SPIRE2: variants seen among roughly 807,000 people sequenced by gnomAD.
SPIRE2 encodes protein spire homolog 2.
In SPIRE2, 76 loss-of-function variants were observed where a neutral mutation model predicts 80.7. That is an observed-to-expected ratio of 0.94 (90% CI 0.78 to 1.14). The LOEUF (loss-of-function observed/expected upper bound fraction) is 1.14, where lower values mean the gene tolerates loss of function less well. SPIRE2 is among the 50% of genes most tolerant of loss of function. The pLI is 0.00. For missense variants in SPIRE2, 1,196 were observed against 1,015.3 expected (o/e 1.18, Z -2.42); for synonymous variants, 535 against 432.6 (o/e 1.24, Z -2.94).
intron 3 of SPIRE2, among the ~76,000 whole-genome samples, chr16:89,853,106 C>T (rs1199897657): frequency 6.6e-6 from 1 of 152,216 alleles, no homozygotes; most frequent in East Asian, 1.9e-4. Flanking sequence ...GCAGACGGTC[C>T]TCCTGCTGTT....
chr16:89,858,286 C>T (rs1246535614), intron 7 of SPIRE2, 52 bp from the exon 8 acceptor site: 4 of 1,498,716 alleles, frequency 2.7e-6, no homozygotes, highest in Non-Finnish European at 3.6e-6. Context: ...CAGCTCCTGC[C>T]TGCTGTCTCC....
At chr16:89,840,374 C>T (rs1290504530) in intron 1 of SPIRE2, among the ~76,000 whole-genome samples, 2 of 151,314 alleles carry the variant, frequency 1.3e-5, no homozygotes, top group Non-Finnish European at 2.9e-5. Context: ...CTCAGCCTCC[C>T]GAATAACTGG....
intron 2 of SPIRE2, chr16:89,850,006 T>G: frequency 4.4e-6 from 2 of 457,656 alleles, no homozygotes; most frequent in Non-Finnish European, 8.2e-6. Flanking sequence ...CCCAGCTAAT[T>G]TTTGTATTTT....
At chr16:89,868,742 C>T (rs1392351182) in intron 13 of SPIRE2, among the ~76,000 whole-genome samples, 1 of 152,012 alleles carries the variant, frequency 6.6e-6, no homozygotes, top group African/African-American at 2.4e-5. Context: ...GTAATCCTAG[C>T]TACTCAGGAG....
intron 1 of SPIRE2, among the ~76,000 whole-genome samples, chr16:89,829,395 G>A (rs1421203209): frequency 6.6e-6 from 1 of 152,234 alleles, no homozygotes; most frequent in Non-Finnish European, 1.5e-5. Flanking sequence ...TAGTGAGAAT[G>A]GTGAGCTTAA....
intron 10 of SPIRE2, chr16:89,861,906 G>A (rs2041747832): frequency 6.6e-6 from 1 of 152,194 alleles, no homozygotes; most frequent in Admixed American, 6.5e-5. Context: ...GAGTATTTAT[G>A]ACCAAGTCCA....
chr16:89,856,648 C>T (rs1161774962), intron 7 of SPIRE2, among the ~76,000 whole-genome samples: 2 of 138,816 alleles, frequency 1.4e-5, no homozygotes, highest in African/African-American at 2.7e-5. Context: ...TTAGTAGAGA[C>T]GGGGTTTCAC....
At chr16:89,860,619 G>A (rs1002942131) in intron 9 of SPIRE2, 64 bp from the exon 10 acceptor site, 9 of 1,142,668 alleles carry the variant, frequency 7.9e-6, no homozygotes, top group Non-Finnish European at 1.2e-5. Flanking sequence ...TCATCCCCTG[G>A]GCACAGTCCT....
Position 89,870,254 on chromosome 16 carries a change from G to A in SPIRE2, c.2127G>A (p.Arg709=). 6.3e-7 allele frequency: 1 copy of A among 1,596,870 alleles called. No individual in the cohort carries two copies. The highest frequency in any genetic ancestry group is 8.5e-7 in the Non-Finnish European group (1 of 1,171,794). Residue 709 remains arginine, a synonymous_variant, in exon 15 of 15, where the codon AGG becomes AGA. Transcript: ENST00000378247. ...QTQSLYIPNT[R]TLDFK is the part of the protein sequence containing the mutation. Reference sequence around the variant, plus strand: ...AATCCCTCTACATCCCTAACACCAGGACTCTTGACTTCAAGTGACAGCCCC... The same window carrying A: ...AATCCCTCTACATCCCTAACACCAGAACTCTTGACTTCAAGTGACAGCCCC...
At position 89,856,199 on chromosome 16, in the gene SPIRE2, G is replaced by T. The variant is rs746068875; in HGVS notation, c.1065G>T (p.Arg355Ser). 1 of 1,599,886 alleles carries T rather than the reference G, an allele frequency of 6.3e-7. No homozygotes were observed. The highest frequency in any genetic ancestry group is 1.1e-5 in the South Asian group (1 of 89,174). Reference sequence around the variant, plus strand: ...TGGAGGAGATCAAGCAGGAGCGGAGGCTGCGCCCGGTGCGGGGCGAGGGCT... The same window carrying T: ...TGGAGGAGATCAAGCAGGAGCGGAGTCTGCGCCCGGTGCGGGGCGAGGGCT... Reference protein sequence around the residue: ...KILEEIKQERRLRPVRGEGWA... With the variant: ...KILEEIKQERSLRPVRGEGWA... The change falls in exon 7 of 15, where the codon AGG becomes AGT. Residue 355 changes from arginine (R) to serine (S), a missense_variant. Arg to Ser is a moderately radical substitution (Grantham distance 110). Transcript: ENST00000378247.
Position 89,829,649 on chromosome 16 carries a change from GGTGGGGGC to G in SPIRE2, c.244+856_244+863del, listed in dbSNP as rs2041360080. ...AGAAGCAAGCTACAGAGCCACGAGG[GGTGGGGGC>G]CGTTGTGCCCCACCCAAGGGCCCTT... On this transcript the variant is annotated intron_variant, in intron 1 of 14. Coordinates refer to ENST00000378247, the MANE Select transcript of SPIRE2 (RefSeq NM_032451.2). Among the ~76,000 whole-genome samples, 10 of 151,788 alleles carry G rather than the reference GGTGGGGGC, an allele frequency of 6.6e-5. 1 individual carries two copies. Among genetic ancestry groups the G allele is most frequent in the Non-Finnish European group, 1.2e-4 (8 of 67,606 alleles).
At position 89,863,181 on chromosome 16, in the gene SPIRE2, A is replaced by G. The variant is rs1393056023; in HGVS notation, c.1576-295A>G. On this transcript the variant is annotated intron_variant, in intron 10 of 14. Coordinates refer to ENST00000378247, the MANE Select transcript of SPIRE2 (RefSeq NM_032451.2). The surrounding 1 kb of genome is among the most constrained non-coding windows in gnomAD (Gnocchi z 4.3). ...GTGGATCAGCCCATGGTGTGTTTGC[A>G]GGCAGGGACACCTTGAACAGACATG... 2 of 442,650 alleles carry G rather than the reference A, an allele frequency of 4.5e-6. No homozygotes were observed. Among genetic ancestry groups the G allele is most frequent in the African/African-American group, 2.0e-5 (1 of 50,058 alleles). The allele number at this position is 442,650 out of a possible 1,614,324, so 27.4% of individuals were successfully genotyped here. A position where few individuals can be genotyped will look rare whatever the true frequency, so the allele number is the denominator to read the frequency against.
At chr16:89,855,495 T>A in intron 5 of SPIRE2, 105 bp from the exon 6 acceptor site, 1 of 909,390 alleles carries the variant, frequency 1.1e-6, no homozygotes, top group Non-Finnish European at 1.7e-6. Flanking sequence ...GGAGGGCGGG[T>A]AGGTGCGAAG....
At chr16:89,834,948 TC>T (rs2041430784) in intron 1 of SPIRE2, among the ~76,000 whole-genome samples, 1 of 148,090 alleles carries the variant, frequency 6.8e-6, no homozygotes, top group Admixed American at 6.7e-5. Context: ...CTGCCCGCAC[TC>T]GCGGCTGGCC....
chr16:89,863,666 C>T lies in SPIRE2; in HGVS notation c.1710+56C>T, dbSNP rs1597224065. 2 of 1,613,244 alleles carry T rather than the reference C, an allele frequency of 1.2e-6. No individual in the cohort carries two copies. Among genetic ancestry groups the T allele is most frequent in the Non-Finnish European group, 1.7e-6 (2 of 1,179,562 alleles). ...TTGCCCGCTGGGTCAGGGGCGGGTG[C>T]CGAGAGGGCCAGTTCCCAGGACTGT... On this transcript the variant is annotated intron_variant, in intron 11 of 14. Coordinates refer to ENST00000378247, the MANE Select transcript of SPIRE2 (RefSeq NM_032451.2). The surrounding 1 kb of genome is among the most constrained non-coding windows in gnomAD (Gnocchi z 4.3).
rs529281364 is a variant in SPIRE2 at position 89,847,470 on chromosome 16, TC to T, written c.288+2107del. 2.0e-5 allele frequency among the ~76,000 whole-genome samples: 3 copies of T among 152,308 alleles called. No homozygotes were observed. In the South Asian group the frequency reaches 6.2e-4, roughly 32 times the overall value. On this transcript the variant is annotated intron_variant, in intron 2 of 14. Transcript: ENST00000378247. ...CTGCTGCCTACCGCCTGGAAGACCTTCCAAAGGGGGCCTGCCGTGGTACATC... is the reference window on the plus strand; with the variant it reads ...CTGCTGCCTACCGCCTGGAAGACCTTCAAAGGGGGCCTGCCGTGGTACATC...
In SPIRE2 at chr16:89,863,273, A is replaced by G. The variant is rs922982782; in HGVS notation, c.1576-203A>G. On this transcript the variant is annotated intron_variant, in intron 10 of 14. Transcript: ENST00000378247. The surrounding 1 kb of genome is among the most constrained non-coding windows in gnomAD (Gnocchi z 4.3). Reference sequence around the variant, plus strand: ...GGCTGGCCGGCAGGGTCCGCTGGTCATGGGAGGCCTGGCCTGCAGCAGCAG... The same window carrying G: ...GGCTGGCCGGCAGGGTCCGCTGGTCGTGGGAGGCCTGGCCTGCAGCAGCAG... 3.3e-6 allele frequency: 2 copies of G among 614,786 alleles called. No individual in the cohort carries two copies. Among genetic ancestry groups the G allele is most frequent in the African/African-American group, 1.8e-5 (1 of 54,120 alleles). The allele number at this position is 614,786 out of a possible 1,614,324, so 38.1% of individuals were successfully genotyped here. A position where few individuals can be genotyped will look rare whatever the true frequency, so the allele number is the denominator to read the frequency against.
At position 89,870,258 on chromosome 16, in the gene SPIRE2, CTT is replaced by C; in HGVS notation, c.2132_2133del (p.Leu711ArgfsTer23). 3.8e-6 allele frequency: 6 copies of C among 1,595,370 alleles called. No individual in the cohort carries two copies. The highest frequency in any genetic ancestry group is 5.1e-6 in the Non-Finnish European group (6 of 1,170,934). On this transcript the variant is annotated frameshift_variant, in exon 15 of 15. Coordinates refer to ENST00000378247, the MANE Select transcript of SPIRE2 (RefSeq NM_032451.2). LOFTEE classifies it high-confidence loss of function. Reference protein sequence around the residue: ...QSLYIPNTRTLDFK With the variant: ...QSLYIPNTRTXDFK Reference sequence around the variant, plus strand: ...CCTCTACATCCCTAACACCAGGACTCTTGACTTCAAGTGACAGCCCCAGGTGG... The same window carrying C: ...CCTCTACATCCCTAACACCAGGACTCGACTTCAAGTGACAGCCCCAGGTGG...
chr16:89,837,281 G>T (rs903166600), intron 1 of SPIRE2, among the ~76,000 whole-genome samples: 1 of 152,146 alleles, frequency 6.6e-6, no homozygotes, highest in African/African-American at 2.4e-5. Flanking sequence ...CCACCCTCAG[G>T]GGACTCGGAT....
Sources: allele counts gnomAD v4.1 joint callset (sites outside exome capture counted in the v4.1 genomes callset), GRCh38; gene constraint gnomAD v4.1.1; non-coding constraint Gnocchi (gnomAD v3.1); transcripts MANE v1.5; gene names NCBI Gene and HGNC (gene_info 2026-07-23, HGNC 2026-07-21).